OOSP1: variants seen among roughly 807,000 people sequenced by gnomAD.
The protein encoded by OOSP1 is putative oocyte-secreted protein 1 homolog.
A neutral mutation model predicts 5.7 loss-of-function variants in OOSP1; 11 were observed. That is an observed-to-expected ratio of 1.94 (90% CI 1.22 to 3.20). The LOEUF (loss-of-function observed/expected upper bound fraction) is 3.20, where lower values mean the gene tolerates loss of function less well. Ranked by LOEUF, OOSP1 falls within the 30% of genes most tolerant of loss-of-function variation. OOSP1 has a pLI of 0.00. For missense variants in OOSP1, 83 were observed against 54.1 expected (o/e 1.53, Z -1.67); for synonymous variants, 44 against 20.0 (o/e 2.20, Z -3.20).
intron 4 of OOSP1, among the ~76,000 whole-genome samples, chr11:59,951,538 T>C (rs1853939847): frequency 6.6e-6 from 1 of 152,096 alleles, no homozygotes; most frequent in Non-Finnish European, 1.5e-5. Flanking sequence ...GTTGTTGCTT[T>C]GGATCTGGTA....
intron 4 of OOSP1, among the ~76,000 whole-genome samples, chr11:59,952,643 A>G (rs763410292): frequency 2.6e-5 from 4 of 152,108 alleles, no homozygotes; most frequent in Non-Finnish European, 5.9e-5. Flanking sequence ...AAGAGGGGGA[A>G]GTTGGGAGGG....
chr11:59,948,485 C>G (rs568512371), intron 4 of OOSP1, among the ~76,000 whole-genome samples: 2 of 152,308 alleles, frequency 1.3e-5, no homozygotes, highest in African/African-American at 4.8e-5. Context: ...TCCTTATTCA[C>G]TTATACACAC....
At chr11:59,956,852 A>G (rs528648413) in intron 4 of OOSP1, among the ~76,000 whole-genome samples, 18 of 152,202 alleles carry the variant, frequency 1.2e-4, no homozygotes, top group Admixed American at 1.2e-3. Context: ...ATAGTTTCCA[A>G]TCTCATCCAA....
chr11:59,941,337 T>C (rs1355733825), intron 1 of OOSP1, among the ~76,000 whole-genome samples: 1 of 152,206 alleles, frequency 6.6e-6, no homozygotes, highest in Admixed American at 6.5e-5. Context: ...CTGGGCTGTC[T>C]TCAGTTTTTG....
intron 4 of OOSP1, among the ~76,000 whole-genome samples, chr11:59,954,425 G>T (rs1853971613): frequency 6.6e-6 from 1 of 152,030 alleles, no homozygotes; most frequent in African/African-American, 2.4e-5. Context: ...CTTGTGGGCT[G>T]TAGTTTGCTG....
intron 2 of OOSP1, 40 bp downstream of exon 2, chr11:59,943,068 G>T (rs1439144267): frequency 2.2e-5 from 15 of 696,812 alleles, no homozygotes; most frequent in African/African-American, 1.2e-4. Context: ...AAGTGTCCAG[G>T]TGTGTGATGT....
intron 4 of OOSP1, among the ~76,000 whole-genome samples, chr11:59,955,380 A>G (rs1853985110): frequency 6.6e-6 from 1 of 152,078 alleles, no homozygotes; most frequent in Non-Finnish European, 1.5e-5. Flanking sequence ...TGAATCTGGC[A>G]TTGTCTCGTT....
At chr11:59,950,801 C>T (rs1467604652) in intron 4 of OOSP1, among the ~76,000 whole-genome samples, 1 of 151,730 alleles carries the variant, frequency 6.6e-6, no homozygotes, top group Non-Finnish European at 1.5e-5. Flanking sequence ...AGGAGTACGG[C>T]TGTAAAGAGA....
chr11:59,953,155 T>C (rs1388064203), intron 4 of OOSP1, among the ~76,000 whole-genome samples: 1 of 152,168 alleles, frequency 6.6e-6, no homozygotes, highest in Non-Finnish European at 1.5e-5. Flanking sequence ...TAGGAACTAC[T>C]TCAGCCCCTT....
chr11:59,941,155 G>A (rs1309761535), intron 1 of OOSP1, among the ~76,000 whole-genome samples: 1 of 152,058 alleles, frequency 6.6e-6, no homozygotes, highest in Non-Finnish European at 1.5e-5. Flanking sequence ...ATATAAATGG[G>A]CTCAGAGTTT....
chr11:59,956,858 T>C (rs1001673801), intron 4 of OOSP1, among the ~76,000 whole-genome samples: 1 of 152,172 alleles, frequency 6.6e-6, no homozygotes, highest in Admixed American at 6.6e-5. Flanking sequence ...TCCAATCTCA[T>C]CCAAGTCACT....
intron 1 of OOSP1, among the ~76,000 whole-genome samples, chr11:59,938,922 G>A (rs775863948): frequency 3.0e-4 from 45 of 152,266 alleles, no homozygotes; most frequent in South Asian, 1.2e-3. Flanking sequence ...GCCTTATAAG[G>A]CTTAGCCTTT....
intron 4 of OOSP1, among the ~76,000 whole-genome samples, chr11:59,949,920 C>T (rs1336591845): frequency 6.6e-6 from 1 of 152,154 alleles, no homozygotes; most frequent in African/African-American, 2.4e-5. Context: ...TTGTTCATTA[C>T]AGTGATGGTG....
intron 3 of OOSP1, among the ~76,000 whole-genome samples, chr11:59,946,965 ATCTGT>A (rs1565232420): frequency 2.1e-3 from 296 of 143,556 alleles, no homozygotes; most frequent in African/African-American, 7.0e-3. Context: ...CTATCTATCT[ATCTGT>A]CTATCTACTC....
intron 4 of OOSP1, 49 bp downstream of exon 4, chr11:59,947,911 C>T (rs1379915568): frequency 2.5e-6 from 1 of 398,080 alleles, no homozygotes; most frequent in Non-Finnish European, 4.4e-6. Flanking sequence ...CCAGGTATGT[C>T]CTAGATACCA....
At chr11:59,948,797 T>G (rs1853912686) in intron 4 of OOSP1, 1 of 398,008 alleles carries the variant, frequency 2.5e-6, no homozygotes, top group South Asian at 1.3e-4. Flanking sequence ...GAGAGGCAAT[T>G]TGGAATCTCT....
chr11:59,949,385 G>A (rs1168452329), intron 4 of OOSP1, among the ~76,000 whole-genome samples: 1 of 151,992 alleles, frequency 6.6e-6, no homozygotes, highest in Non-Finnish European at 1.5e-5. Flanking sequence ...GAAGGCATCC[G>A]TCAAAGGTGA....
Position 59,947,121 on chromosome 11 carries a change from AT to A in OOSP1, c.357-604del, listed in dbSNP as rs201232346. ...TTTCTGGTTAAAATCCTGAACTGAA[AT>A]TTTTTTTCCCTGAGTAATTACAGAA... On this transcript the variant is annotated intron_variant, in intron 3 of 4. Coordinates refer to ENST00000646685, the Ensembl canonical transcript of OOSP1. Among the ~76,000 whole-genome samples, 815 of 151,928 alleles carry A rather than the reference AT, an allele frequency of 5.4e-3. 10 individuals are homozygous for A. The highest frequency in any genetic ancestry group is 0.018 in the African/African-American group (733 of 41,416).
At chr11:59,938,520 G>T in exon 1 of OOSP1, 1 of 598,336 alleles carries the variant, frequency 1.7e-6, no homozygotes, top group Non-Finnish European at 3.0e-6. Context: ...CCTGCGCTGG[G>T]GACTGGTCAG....
Sources: allele counts gnomAD v4.1 joint callset (sites outside exome capture counted in the v4.1 genomes callset), GRCh38; gene constraint gnomAD v4.1.1; transcripts MANE v1.5; gene names NCBI Gene and HGNC (gene_info 2026-07-23, HGNC 2026-07-21).